MOCOS: variants seen among roughly 807,000 people sequenced by gnomAD.
The protein encoded by MOCOS is molybdenum cofactor sulfurase.
Under a neutral mutation model 83.6 loss-of-function variants are expected in MOCOS, and 86 were observed. That is an observed-to-expected ratio of 1.03 (90% CI 0.86 to 1.23). MOCOS has a LOEUF of 1.23. Among genes scored for constraint, MOCOS ranks in the 50% most tolerant of loss-of-function variants. The probability of loss-of-function intolerance (pLI) is 0.00; values close to 1 mark genes in which losing one functional copy is unlikely to be tolerated. For synonymous variants in MOCOS, 445 were observed against 434.7 expected (o/e 1.02, Z -0.29); for missense variants, 1,120 against 1,126.9 (o/e 0.99, Z 0.09).
chr18:36,268,144 T>G (rs2091687592), intron 14 of MOCOS, among the ~76,000 whole-genome samples: 1 of 152,194 alleles, frequency 6.6e-6, no homozygotes, highest in Non-Finnish European at 1.5e-5. Context: ...TCAAGGAAAA[T>G]GCAGAGTTCT....
At chr18:36,229,774 C>G (rs1036270095) in intron 9 of MOCOS, among the ~76,000 whole-genome samples, 6 of 151,852 alleles carry the variant, frequency 4.0e-5, no homozygotes, top group Admixed American at 3.3e-4. Flanking sequence ...TTTTGCTGAT[C>G]TAGTCTGCTG....
At chr18:36,256,733 G>C (rs768804712) in intron 11 of MOCOS, 41 of 452,060 alleles carry the variant, frequency 9.1e-5, no homozygotes, top group Non-Finnish European at 1.4e-4. Context: ...ACTGTGCCCA[G>C]CCCTTATTGT....
At chr18:36,195,220 G>A in intron 1 of MOCOS, 37 bp from the exon 2 acceptor site, 1 of 1,579,338 alleles carries the variant, frequency 6.3e-7, no homozygotes, top group Non-Finnish European at 8.7e-7. Flanking sequence ...ACCAGATTCA[G>A]GTAAAATTTT....
intron 9 of MOCOS, among the ~76,000 whole-genome samples, chr18:36,226,325 T>A (rs929791332): frequency 6.6e-6 from 1 of 152,174 alleles, no homozygotes; most frequent in Non-Finnish European, 1.5e-5. Flanking sequence ...TTAATGGACA[T>A]AATTATAGCC....
intron 9 of MOCOS, among the ~76,000 whole-genome samples, chr18:36,234,667 T>C (rs777500746): frequency 2.0e-5 from 3 of 152,164 alleles, no homozygotes; most frequent in African/African-American, 7.2e-5. Context: ...CCATGAGCAT[T>C]AGTCCATTTG....
intron 4 of MOCOS, among the ~76,000 whole-genome samples, chr18:36,200,881 G>A (rs2091411222): frequency 6.6e-6 from 1 of 152,230 alleles, no homozygotes; most frequent in African/African-American, 2.4e-5. Flanking sequence ...GAGCCCCACT[G>A]TGAGTGAGTT....
At chr18:36,239,964 G>A (rs1381264734) in intron 9 of MOCOS, among the ~76,000 whole-genome samples, 2 of 146,744 alleles carry the variant, frequency 1.4e-5, no homozygotes, top group South Asian at 2.2e-4. Context: ...TGTAGTTCTC[G>A]AGCCTTGGTT....
intron 13 of MOCOS, among the ~76,000 whole-genome samples, chr18:36,260,475 G>A (rs2091659964): frequency 6.6e-6 from 1 of 152,172 alleles, no homozygotes; most frequent in South Asian, 2.1e-4. Context: ...TTTTTGGAAT[G>A]CTTGTGTCAT....
In MOCOS at chr18:36,190,749, AAAAAAAAC is replaced by A. The variant is rs571311362; in HGVS notation, c.142+3081_142+3088del. Reference sequence around the variant, plus strand: ...GGGCAACAGAGTGAGACCCTGTCTCAAAAAAAACAAAAAAACAAAACAAAACAAAAAAA... The same window carrying A: ...GGGCAACAGAGTGAGACCCTGTCTCAAAAAAAACAAAACAAAACAAAAAAA... On this transcript the variant is annotated intron_variant, in intron 1 of 14. Transcript: ENST00000261326. Among the ~76,000 whole-genome samples the A allele has an allele frequency of 1.5e-4, 23 of 151,696 alleles. No homozygotes were observed. In the South Asian group the frequency reaches 4.6e-3, roughly 30 times the overall value.
chr18:36,203,792 G>A (rs1402828413), intron 5 of MOCOS, among the ~76,000 whole-genome samples: 2 of 152,210 alleles, frequency 1.3e-5, no homozygotes, highest in Non-Finnish European at 2.9e-5. Flanking sequence ...CCAACATAGG[G>A]GCAGACAGGA....
At chr18:36,213,761 T>C (rs1200456014) in intron 7 of MOCOS, among the ~76,000 whole-genome samples, 1 of 151,224 alleles carries the variant, frequency 6.6e-6, no homozygotes, top group Non-Finnish European at 1.5e-5. Flanking sequence ...AAACCCTGTC[T>C]CTACTAAAGA....
intron 11 of MOCOS, among the ~76,000 whole-genome samples, chr18:36,255,473 G>A (rs1020477058): frequency 2.0e-5 from 3 of 152,150 alleles, no homozygotes; most frequent in Non-Finnish European, 4.4e-5. Context: ...CGGACTCCAG[G>A]GTTTTGAATG....
chr18:36,237,503 G>A (rs2091563929), intron 9 of MOCOS, among the ~76,000 whole-genome samples: 1 of 152,206 alleles, frequency 6.6e-6, no homozygotes, highest in African/African-American at 2.4e-5. Context: ...TGGTGGATAA[G>A]CTTTTTGATG....
chr18:36,219,991 T>C, intron 8 of MOCOS, 64 bp from the exon 9 acceptor site: 1 of 1,596,494 alleles, frequency 6.3e-7, no homozygotes, highest in African/African-American at 1.3e-5. Flanking sequence ...GTAGCCACTG[T>C]ACAAATAGGT....
intron 1 of MOCOS, 125 bp from the exon 2 acceptor site, chr18:36,195,132 G>A: frequency 1.3e-6 from 1 of 792,062 alleles, no homozygotes; most frequent in Non-Finnish European, 2.2e-6. Context: ...GGATTAAGAG[G>A]CACATATCAA....
intron 4 of MOCOS, 43 bp from the exon 5 acceptor site, chr18:36,203,070 T>C: frequency 6.3e-7 from 1 of 1,577,428 alleles, no homozygotes; most frequent in South Asian, 1.1e-5. Context: ...CATGGATTGT[T>C]TTGACCACAG....
chr18:36,218,172 C>T (rs1193831175), intron 8 of MOCOS, among the ~76,000 whole-genome samples: 3 of 152,174 alleles, frequency 2.0e-5, no homozygotes, highest in Non-Finnish European at 4.4e-5. Flanking sequence ...GGCTGGGAAA[C>T]TGCACTTCAG....
chr18:36,212,136 T>C (rs1756037546), intron 6 of MOCOS, among the ~76,000 whole-genome samples: 1 of 152,194 alleles, frequency 6.6e-6, no homozygotes, highest in South Asian at 2.1e-4. Flanking sequence ...AACCCCCAGA[T>C]GCCAAACTAC....
chr18:36,226,664 G>T (rs1326420874), intron 9 of MOCOS, among the ~76,000 whole-genome samples: 1 of 148,700 alleles, frequency 6.7e-6, no homozygotes, highest in Non-Finnish European at 1.5e-5. Flanking sequence ...ATATTAATGG[G>T]CTTTAATTCC....
Sources: allele counts gnomAD v4.1 joint callset (sites outside exome capture counted in the v4.1 genomes callset), GRCh38; gene constraint gnomAD v4.1.1; transcripts MANE v1.5; gene names NCBI Gene and HGNC (gene_info 2026-07-23, HGNC 2026-07-21).